SIM1: variants seen among roughly 807,000 people sequenced by gnomAD.
The protein encoded by SIM1 is SIM bHLH transcription factor 1.
In SIM1, 18 loss-of-function variants were observed where a neutral mutation model predicts 78.2. The observed-to-expected ratio is 0.23, with a 90% CI of 0.16 to 0.34. The LOEUF (loss-of-function observed/expected upper bound fraction) is 0.34. SIM1 is among the 10% of genes least tolerant of loss of function. The pLI, the probability that SIM1 is intolerant of heterozygous loss-of-function variation, is 1.00. For synonymous variants in SIM1, 417 were observed against 385.2 expected (o/e 1.08, Z -0.97); for missense variants, 939 against 975.1 (o/e 0.96, Z 0.49).
chr6:100,446,304 A>G (rs933045796), intron 9 of SIM1, among the ~76,000 whole-genome samples: 7 of 152,108 alleles, frequency 4.6e-5, no homozygotes, highest in South Asian at 2.1e-4. Context: ...CAACTTCCTA[A>G]TGTCTAAATA....
At chr6:100,448,752 A>C (rs1026315091) in intron 6 of SIM1, 74 bp from the exon 7 acceptor site, 2 of 1,331,386 alleles carry the variant, frequency 1.5e-6, no homozygotes, top group African/African-American at 1.4e-5. Flanking sequence ...AAGGGGTTGA[A>C]ACATGTTGAA....
intron 10 of SIM1, among the ~76,000 whole-genome samples, chr6:100,419,702 T>C (rs1771512838): frequency 6.6e-6 from 1 of 152,202 alleles, no homozygotes; most frequent in African/African-American, 2.4e-5. Flanking sequence ...AGTGCAATGG[T>C]GCGATCTTGG....
At position 100,463,564 on chromosome 6, in the gene SIM1, A is replaced by T; in HGVS notation, c.-96T>A. ...CAATTAGAGATCATATTTGGCAAAA[A>T]CATAAAACATACTTTGAATAAAGAG... On this transcript the variant is annotated 5_prime_UTR_variant, in exon 2 of 12. Transcript: ENST00000369208. The T allele has an allele frequency of 8.8e-7, 1 of 1,142,454 alleles. No homozygotes were observed. Among genetic ancestry groups the T allele is most frequent in the African/African-American group, 1.5e-5 (1 of 64,760 alleles). 70.8% of individuals were successfully genotyped at this position (1,142,454 alleles called of 1,614,324 possible).
intron 10 of SIM1, among the ~76,000 whole-genome samples, chr6:100,407,842 T>C (rs1208704952): frequency 1.3e-5 from 2 of 152,150 alleles, no homozygotes. Context: ...TTGTTTATTT[T>C]GCTATTGAGT....
At chr6:100,427,590 A>G (rs1771768025) in intron 9 of SIM1, among the ~76,000 whole-genome samples, 1 of 152,228 alleles carries the variant, frequency 6.6e-6, no homozygotes, top group African/African-American at 2.4e-5. Flanking sequence ...AAGGCAAAAA[A>G]ATTGTGAAAT....
chr6:100,456,233 C>G (rs1247602406), intron 2 of SIM1, among the ~76,000 whole-genome samples: 1 of 152,166 alleles, frequency 6.6e-6, no homozygotes, highest in African/African-American at 2.4e-5. Context: ...GTAAGGGGTC[C>G]CCCCTCCCTA....
intron 10 of SIM1, among the ~76,000 whole-genome samples, chr6:100,416,452 G>T (rs1423051306): frequency 1.3e-5 from 2 of 152,084 alleles, no homozygotes; most frequent in East Asian, 1.9e-4. Flanking sequence ...TATGTAAGTA[G>T]CTAAAGAGGC....
chr6:100,449,153 G>T (rs1020786527), intron 6 of SIM1, among the ~76,000 whole-genome samples: 2 of 152,186 alleles, frequency 1.3e-5, no homozygotes, highest in East Asian at 3.9e-4. Flanking sequence ...CCAGTATTGG[G>T]ACCCAGTCAG....
At chr6:100,418,388 A>AAATAAATAAATAAATT (rs1337041597) in intron 10 of SIM1, among the ~76,000 whole-genome samples, 1 of 148,326 alleles carries the variant, frequency 6.7e-6, no homozygotes, top group African/African-American at 2.5e-5. Flanking sequence ...ATAAATAAAT[A>AAATAAATAAATAAATT]AAATAAAAAA....
At chr6:100,414,346 T>C (rs1771345953) in intron 10 of SIM1, among the ~76,000 whole-genome samples, 1 of 152,214 alleles carries the variant, frequency 6.6e-6, no homozygotes, top group Non-Finnish European at 1.5e-5. Flanking sequence ...AGAATTCACC[T>C]ATATTACTTC....
At chr6:100,454,828 C>G (rs1772604771) in intron 2 of SIM1, among the ~76,000 whole-genome samples, 1 of 152,030 alleles carries the variant, frequency 6.6e-6, no homozygotes, top group Non-Finnish European at 1.5e-5. Flanking sequence ...AAAGAAAAAA[C>G]AAAGAAGGCA....
chr6:100,446,280 T>C (rs1169912636), intron 9 of SIM1, among the ~76,000 whole-genome samples: 2 of 152,168 alleles, frequency 1.3e-5, no homozygotes, highest in African/African-American at 2.4e-5. Flanking sequence ...TGATTCCAAA[T>C]AGCACCCCTT....
chr6:100,436,551 A>G (rs1450114167), intron 9 of SIM1, among the ~76,000 whole-genome samples: 2 of 152,266 alleles, frequency 1.3e-5, no homozygotes, highest in East Asian at 3.9e-4. Flanking sequence ...CAATTTCACT[A>G]AAATAACCAC....
intron 9 of SIM1, among the ~76,000 whole-genome samples, chr6:100,444,006 C>A (rs1772286549): frequency 6.6e-6 from 1 of 151,896 alleles, no homozygotes; most frequent in African/African-American, 2.4e-5. Context: ...TTAAAAGTGG[C>A]AGAATATTTC....
In SIM1 at chr6:100,463,859, C is replaced by G. The variant is rs148220960; in HGVS notation, c.-391G>C. ...GACATAATAATCCCTGACGTTTGCTCTTCAGTCTCGCGGCATTTAAGGTAT... is the reference window on the plus strand; with the variant it reads ...GACATAATAATCCCTGACGTTTGCTGTTCAGTCTCGCGGCATTTAAGGTAT... On this transcript the variant is annotated 5_prime_UTR_variant, in exon 2 of 12. Coordinates refer to ENST00000369208, the MANE Select transcript of SIM1 (RefSeq NM_005068.3). 7.6e-5 allele frequency: 13 copies of G among 171,326 alleles called. No individual in the cohort carries two copies. The East Asian group carries it at 2.0e-3, about 27-fold the overall frequency. The allele number at this position is 171,326 out of a possible 1,614,324, so 10.6% of individuals were successfully genotyped here. A position where few individuals can be genotyped will look rare whatever the true frequency, so the allele number is the denominator to read the frequency against.
chr6:100,428,654 C>T (rs1771804440), intron 9 of SIM1, among the ~76,000 whole-genome samples: 1 of 151,824 alleles, frequency 6.6e-6, no homozygotes, highest in Non-Finnish European at 1.5e-5. Flanking sequence ...TTAAATTCAG[C>T]ACACTAGTCC....
At chr6:100,436,526 A>G (rs1772054421) in intron 9 of SIM1, among the ~76,000 whole-genome samples, 1 of 152,200 alleles carries the variant, frequency 6.6e-6, no homozygotes, top group Admixed American at 6.5e-5. Context: ...TTGGCAAGAC[A>G]AAAATTATTT....
intron 11 of SIM1, among the ~76,000 whole-genome samples, chr6:100,392,152 C>A (rs71566340): frequency 6.6e-6 from 1 of 152,032 alleles, no homozygotes; most frequent in Non-Finnish European, 1.5e-5. Context: ...CCAGCCTAGG[C>A]GACAAGAGCG....
chr6:100,412,555 A>AAAAGAAAGAAAGAAAG lies in SIM1; in HGVS notation c.1167+8219_1167+8234dup, dbSNP rs761518217. On this transcript the variant is annotated intron_variant, in intron 10 of 11. Transcript: ENST00000369208. ...CTGTCTAAGAAAGAAAGAAAGAAAGAAAAGAAAGAAAGAAAGAAAGAAAGA... is the reference window on the plus strand; with the variant it reads ...CTGTCTAAGAAAGAAAGAAAGAAAGAAAAGAAAGAAAGAAAGAAAGAAAGAAAGAAAGAAAGAAAGA... Among the ~76,000 whole-genome samples the AAAAGAAAGAAAGAAAG allele has an allele frequency of 6.4e-4, 41 of 64,484 alleles. 1 individual carries two copies. The highest frequency in any genetic ancestry group is 2.2e-3 in the Admixed American group (10 of 4,602). The allele number at this position is 64,484 out of a possible 152,430, so 42.3% of individuals were successfully genotyped here. A position where few individuals can be genotyped will look rare whatever the true frequency, so the allele number is the denominator to read the frequency against.
Sources: allele counts gnomAD v4.1 joint callset (sites outside exome capture counted in the v4.1 genomes callset), GRCh38; gene constraint gnomAD v4.1.1; transcripts MANE v1.5; gene names NCBI Gene and HGNC (gene_info 2026-07-23, HGNC 2026-07-21).